SUFU: variants seen among roughly 807,000 people sequenced by gnomAD.
SUFU encodes the protein suppressor of fused homolog.
A neutral mutation model predicts 58.9 loss-of-function variants in SUFU; 7 were observed. The ratio of observed to expected loss-of-function variants is 0.12; its 90% CI spans 0.07 to 0.22. The LOEUF is 0.22. SUFU is among the 10% of genes least tolerant of loss of function. The pLI is 1.00. For missense variants in SUFU, 451 were observed against 641.3 expected, an observed-to-expected ratio of 0.70 and a Z score of 3.20; for synonymous variants, 232 against 254.8, an observed-to-expected ratio of 0.91 and a Z score of 0.85.
chr10:102,585,653 T>TG (rs1410892298), intron 3 of SUFU, among the ~76,000 whole-genome samples: 1 of 151,820 alleles, frequency 6.6e-6, no homozygotes, highest in Non-Finnish European at 1.5e-5. Flanking sequence ...ACTACAGGCT[T>TG]GGGCCACCAC....
chr10:102,606,882 G>A (rs571480460), intron 8 of SUFU, among the ~76,000 whole-genome samples: 11 of 152,288 alleles, frequency 7.2e-5, no homozygotes, highest in African/African-American at 2.4e-4. Context: ...AGAATCCGGG[G>A]TGAATGGGAG....
In SUFU at chr10:102,619,888, C is replaced by T. The variant is rs932885182; in HGVS notation, c.1296+2460C>T. ...AGAGGCCTGGGGTTAGACTTGCAGTCGCCAGTGAGGGCCACTCCACTGGGC... is the reference window on the plus strand; with the variant it reads ...AGAGGCCTGGGGTTAGACTTGCAGTTGCCAGTGAGGGCCACTCCACTGGGC... On this transcript the variant is annotated intron_variant, in intron 10 of 11. Coordinates refer to ENST00000369902, the MANE Select transcript of SUFU (RefSeq NM_016169.4). The surrounding 1 kb of genome is among the most constrained non-coding windows in gnomAD (Gnocchi z 4.2). Among the ~76,000 whole-genome samples the T allele has an allele frequency of 7.9e-5, 12 of 152,116 alleles. No individual in the cohort carries two copies. Among genetic ancestry groups the T allele is most frequent in the African/African-American group, 1.9e-4 (8 of 41,424 alleles).
chr10:102,524,402 T>C (rs2062586908), intron 2 of SUFU, among the ~76,000 whole-genome samples: 1 of 149,948 alleles, frequency 6.7e-6, no homozygotes, highest in South Asian at 2.1e-4. Context: ...CTCGGCTCAC[T>C]GTAACCTCCG....
chr10:102,575,328 C>A (rs1164146166), intron 3 of SUFU, among the ~76,000 whole-genome samples: 1 of 152,188 alleles, frequency 6.6e-6, no homozygotes, highest in African/African-American at 2.4e-5. Flanking sequence ...AACAGAATAT[C>A]TGAAACTGCT....
intron 3 of SUFU, chr10:102,579,762 T>G (rs1161161782): frequency 1.1e-6 from 1 of 950,878 alleles, no homozygotes; most frequent in Non-Finnish European, 1.3e-6. Flanking sequence ...TTAGCCAAAT[T>G]AATATCAGAC....
Position 102,625,725 on chromosome 10 carries a change from C to T in SUFU, c.1297-1450C>T, listed in dbSNP as rs1483802248. Among the ~76,000 whole-genome samples, 5 of 152,284 alleles carry T rather than the reference C, an allele frequency of 3.3e-5. No individual in the cohort carries two copies. Among genetic ancestry groups the T allele is most frequent in the East Asian group, 1.9e-4 (1 of 5,182 alleles). ...CATGGAGATGAGCAGTTAGCATGCC[C>T]GGTATGATGGCGGCTTTTCTGCTCA... On this transcript the variant is annotated intron_variant, in intron 10 of 11. Transcript: ENST00000369902. The surrounding 1 kb of genome is among the most constrained non-coding windows in gnomAD (Gnocchi z 4.7).
intron 3 of SUFU, 55 bp downstream of exon 3, chr10:102,550,161 C>T (rs2062898026): frequency 6.2e-7 from 1 of 1,612,168 alleles, no homozygotes; most frequent in Non-Finnish European, 8.5e-7. Flanking sequence ...GCCTGGTTGA[C>T]TTTGAGTACT....
At chr10:102,514,940 G>C (rs1394032734) in intron 2 of SUFU, among the ~76,000 whole-genome samples, 1 of 152,244 alleles carries the variant, frequency 6.6e-6, no homozygotes, top group African/African-American at 2.4e-5. Flanking sequence ...AAGTCGGGCT[G>C]GTTCCAAAGA....
At chr10:102,531,759 C>G (rs1185489644) in intron 2 of SUFU, among the ~76,000 whole-genome samples, 1 of 152,064 alleles carries the variant, frequency 6.6e-6, no homozygotes, top group Non-Finnish European at 1.5e-5. Flanking sequence ...TAGTGGTTGG[C>G]CTGGCTGTCA....
chr10:102,561,946 G>A (rs549334381), intron 3 of SUFU, among the ~76,000 whole-genome samples: 28 of 152,222 alleles, frequency 1.8e-4, no homozygotes, highest in African/African-American at 6.0e-4. Context: ...AGGGATTATA[G>A]GCATGACCCA....
At chr10:102,593,603 A>G (rs1276922033) in intron 4 of SUFU, 33 bp from the exon 5 acceptor site, 13 of 1,612,158 alleles carry the variant, frequency 8.1e-6, no homozygotes, top group Non-Finnish European at 1.1e-5. Context: ...GGTGGCCATT[A>G]ACACACAATG....
At chr10:102,515,170 T>C (rs2062451532) in intron 2 of SUFU, among the ~76,000 whole-genome samples, 1 of 152,208 alleles carries the variant, frequency 6.6e-6, no homozygotes, top group South Asian at 2.1e-4. Flanking sequence ...CCTTGTGTTC[T>C]TCTTAGCTGG....
Position 102,567,612 on chromosome 10 carries a change from C to G in SUFU, c.454+17506C>G, listed in dbSNP as rs144206500. On this transcript the variant is annotated intron_variant, in intron 3 of 11. Coordinates refer to ENST00000369902, the MANE Select transcript of SUFU (RefSeq NM_016169.4). Reference sequence around the variant, plus strand: ...CTCCTCACAGAGCCCTCTCTCTGGACAGATGACAGTTGGAGCTTGAGCCAG... The same window carrying G: ...CTCCTCACAGAGCCCTCTCTCTGGAGAGATGACAGTTGGAGCTTGAGCCAG... Among the ~76,000 whole-genome samples, 816 of 152,268 alleles carry G rather than the reference C, an allele frequency of 5.4e-3. 5 individuals carry two copies. Among genetic ancestry groups the G allele is most frequent in the African/African-American group, 0.019 (779 of 41,568 alleles).
At position 102,625,546 on chromosome 10, in the gene SUFU, C is replaced by T. The variant is rs533767346; in HGVS notation, c.1297-1629C>T. ...AAGGATGAATGGATGAGTTAGTGTCCTGGGGGTGAGAGTTCAGCATTCGGG... is the reference window on the plus strand; with the variant it reads ...AAGGATGAATGGATGAGTTAGTGTCTTGGGGGTGAGAGTTCAGCATTCGGG... On this transcript the variant is annotated intron_variant, in intron 10 of 11. Transcript: ENST00000369902. This position sits in a 1 kb window ranked among gnomAD's most constrained non-coding sequence, Gnocchi z 4.7. Among the ~76,000 whole-genome samples, 152 of 152,204 alleles carry T rather than the reference C, an allele frequency of 1.0e-3. No homozygotes were observed. Among genetic ancestry groups the T allele is most frequent in the African/African-American group, 3.4e-3 (141 of 41,520 alleles).
At chr10:102,565,467 C>T (rs971494613) in intron 3 of SUFU, among the ~76,000 whole-genome samples, 1 of 152,200 alleles carries the variant, frequency 6.6e-6, no homozygotes, top group African/African-American at 2.4e-5. Context: ...TTTTCTTTAG[C>T]AAGTTCCTTT....
At chr10:102,519,782 G>T (rs1294123440) in intron 2 of SUFU, among the ~76,000 whole-genome samples, 6 of 151,668 alleles carry the variant, frequency 4.0e-5, no homozygotes, top group East Asian at 1.9e-4. Context: ...TTTTTGTGGG[G>T]TTTTTTTGAG....
chr10:102,556,168 G>A (rs1205161849), intron 3 of SUFU, among the ~76,000 whole-genome samples: 1 of 152,108 alleles, frequency 6.6e-6, no homozygotes, highest in Non-Finnish European at 1.5e-5. Context: ...CGGTGGGTGT[G>A]GGGGCGGGGG....
intron 2 of SUFU, among the ~76,000 whole-genome samples, chr10:102,512,358 A>G (rs1341671600): frequency 1.3e-5 from 2 of 152,234 alleles, no homozygotes; most frequent in Admixed American, 1.3e-4. Flanking sequence ...TAGTGCAGCT[A>G]GCCTGTACCT....
chr10:102,532,605 T>G (rs2062689206), intron 2 of SUFU, among the ~76,000 whole-genome samples: 1 of 152,108 alleles, frequency 6.6e-6, no homozygotes. Flanking sequence ...GGGATCTGTC[T>G]TGCACAGTGG....
Sources: gnomAD v4.1 joint callset for allele counts (sites outside exome capture counted in the v4.1 genomes callset) on GRCh38, gnomAD v4.1.1 for gene constraint, Gnocchi (gnomAD v3.1) non-coding constraint, MANE v1.5 for transcripts, NCBI Gene and HGNC (gene_info 2026-07-23, HGNC 2026-07-21) for gene names.